NRG1: variants seen among roughly 807,000 people sequenced by gnomAD.
NRG1 encodes the protein neuregulin 1.
Under a neutral mutation model 63.8 loss-of-function variants are expected in NRG1, and 18 were observed. The ratio of observed to expected loss-of-function variants is 0.28; its 90% CI spans 0.19 to 0.42. The LOEUF is 0.42. Among genes scored for constraint, NRG1 ranks in the 10% least tolerant of loss-of-function variants. The probability of loss-of-function intolerance (pLI) is 1.00; values close to 1 mark genes in which losing one functional copy is unlikely to be tolerated. For missense variants in NRG1, 762 were observed against 814.7 expected, an observed-to-expected ratio of 0.94 and a Z score of 0.79; for synonymous variants, 302 against 301.3, an observed-to-expected ratio of 1.00 and a Z score of -0.02.
chr8:31,753,245 A>G (rs1231273403), intron 1 of NRG1, among the ~76,000 whole-genome samples: 1 of 152,058 alleles, frequency 6.6e-6, no homozygotes, highest in Non-Finnish European at 1.5e-5. Context: ...ATTGTGAATG[A>G]TCTCATTTCA....
intron 1 of NRG1, among the ~76,000 whole-genome samples, chr8:32,218,624 C>T (rs1210567047): frequency 6.6e-6 from 1 of 152,228 alleles, no homozygotes; most frequent in South Asian, 2.1e-4. Context: ...TCCAGAGAAG[C>T]AGCGGCTTTC....
At chr8:31,740,435 T>C (rs547742333) in intron 1 of NRG1, among the ~76,000 whole-genome samples, 82 of 152,174 alleles carry the variant, frequency 5.4e-4, no homozygotes, top group African/African-American at 1.9e-3. Flanking sequence ...AATACCTTGG[T>C]TGGTCCTCAG....
At chr8:32,192,530 A>G (rs1268346844) in intron 1 of NRG1, among the ~76,000 whole-genome samples, 1 of 152,102 alleles carries the variant, frequency 6.6e-6, no homozygotes, top group Non-Finnish European at 1.5e-5. Flanking sequence ...TTAAGTGGGC[A>G]CAAAACATTG....
chr8:32,691,302 G>A (rs561792927), intron 5 of NRG1, among the ~76,000 whole-genome samples: 3 of 152,106 alleles, frequency 2.0e-5, no homozygotes, highest in South Asian at 2.1e-4. Context: ...GCAGTGAGCC[G>A]AGATTCTGCC....
intron 1 of NRG1, among the ~76,000 whole-genome samples, chr8:31,798,800 C>T (rs1821482266): frequency 6.6e-6 from 1 of 152,058 alleles, no homozygotes; most frequent in East Asian, 1.9e-4. Flanking sequence ...ACACAGATGG[C>T]TCTGACATCA....
intron 5 of NRG1, among the ~76,000 whole-genome samples, chr8:32,669,436 A>C (rs2919390): frequency 0.43 from 65,211 of 151,928 alleles, 14,692 homozygotes; most frequent in East Asian, 0.85. Flanking sequence ...TAGAACTTTT[A>C]ATGTGGACCT....
At chr8:32,235,768 T>A (rs1342219146) in intron 1 of NRG1, among the ~76,000 whole-genome samples, 4 of 152,120 alleles carry the variant, frequency 2.6e-5, no homozygotes, top group African/African-American at 9.7e-5. Context: ...GTGATCTAGA[T>A]TTGGTTCTAG....
At chr8:32,367,070 G>A (rs542933887) in intron 1 of NRG1, among the ~76,000 whole-genome samples, 12 of 152,068 alleles carry the variant, frequency 7.9e-5, no homozygotes, top group South Asian at 2.1e-4. Flanking sequence ...CCATATCTTG[G>A]CTGTTGTGAA....
chr8:31,926,764 T>G (rs776390), intron 1 of NRG1, among the ~76,000 whole-genome samples: 134,213 of 152,088 alleles, frequency 0.88, 59,901 homozygotes, highest in Middle Eastern at 0.91. Context: ...TTAGAAAAGC[T>G]TAGACTCTGG....
chr8:32,011,180 G>A (rs528324711), intron 1 of NRG1, among the ~76,000 whole-genome samples: 2 of 152,174 alleles, frequency 1.3e-5, no homozygotes, highest in African/African-American at 2.4e-5. Context: ...AAAGAAAAAT[G>A]TATGCGTCTC....
At position 32,031,107 on chromosome 8, in the gene NRG1, G is replaced by T. The variant is rs190008686; in HGVS notation, c.37+391676G>T. On this transcript the variant is annotated intron_variant, in intron 1 of 10. Coordinates refer to the NRG1 transcript ENST00000519301. ...TGATGGCAGCTGTCTCTTTGGGGAG[G>T]TGGTGCCGTGGTCTGTTTGGGGTTA... 1.3e-5 allele frequency among the ~76,000 whole-genome samples: 2 copies of T among 152,250 alleles called. 1 individual carries two copies. Among genetic ancestry groups the T allele is most frequent in the Admixed American group, 1.3e-4 (2 of 15,296 alleles).
At chr8:31,645,861 T>G (rs1435672541) in intron 1 of NRG1, among the ~76,000 whole-genome samples, 2 of 152,214 alleles carry the variant, frequency 1.3e-5, no homozygotes, top group Non-Finnish European at 2.9e-5. Flanking sequence ...ACTGTCCTAC[T>G]ACTTTCTAAC....
At chr8:32,169,044 G>A (rs536408485) in intron 1 of NRG1, among the ~76,000 whole-genome samples, 2 of 152,206 alleles carry the variant, frequency 1.3e-5, no homozygotes, top group African/African-American at 4.8e-5. Flanking sequence ...ATTCCCTGTG[G>A]CCAATGCTGA....
intron 5 of NRG1, chr8:32,647,231 CCTGCCGCCGCTGCTG>C: frequency 1.0e-6 from 1 of 985,348 alleles, no homozygotes; most frequent in African/African-American, 1.7e-5. Flanking sequence ...TACTGCCTCT[CCTGCCGCCGCTGCTG>C]CTGCCGCCGC....
intron 1 of NRG1, among the ~76,000 whole-genome samples, chr8:31,687,313 C>T (rs1043554534): frequency 6.6e-6 from 1 of 152,178 alleles, no homozygotes; most frequent in Non-Finnish European, 1.5e-5. Context: ...ACTTTCCTTG[C>T]CACACTAAAA....
chr8:32,117,371 G>T (rs774447041), intron 1 of NRG1, among the ~76,000 whole-genome samples: 16 of 152,106 alleles, frequency 1.1e-4, no homozygotes, highest in Non-Finnish European at 2.2e-4. Context: ...TGGTTTGGTT[G>T]TTGTCGAATT....
At chr8:32,493,947 A>G (rs1826898908) in intron 1 of NRG1, among the ~76,000 whole-genome samples, 1 of 152,252 alleles carries the variant, frequency 6.6e-6, no homozygotes, top group Non-Finnish European at 1.5e-5. Context: ...GGTGTTTTCA[A>G]GGAAATGGTA....
At chr8:32,648,528 G>A (rs1854217046) in intron 5 of NRG1, 3 of 1,228,032 alleles carry the variant, frequency 2.4e-6, no homozygotes, top group Admixed American at 5.6e-5. Flanking sequence ...TGCTTGGGAT[G>A]GCATTGAAGG....
chr8:32,159,195 G>T (rs1047046712), intron 1 of NRG1, among the ~76,000 whole-genome samples: 4 of 152,212 alleles, frequency 2.6e-5, no homozygotes, highest in African/African-American at 9.6e-5. Flanking sequence ...AACAATAAAT[G>T]TTGGTTAATT....
Sources: gnomAD v4.1 joint callset for allele counts (sites outside exome capture counted in the v4.1 genomes callset) on GRCh38, gnomAD v4.1.1 for gene constraint, MANE v1.5 for transcripts, NCBI Gene and HGNC (gene_info 2026-07-23, HGNC 2026-07-21) for gene names.